GABRA3: variants seen among roughly 807,000 people sequenced by gnomAD.
GABRA3 encodes gamma-aminobutyric acid type A receptor subunit alpha3.
In GABRA3, 10 loss-of-function variants were observed where a neutral mutation model predicts 30.1. The ratio of observed to expected loss-of-function variants is 0.33; its 90% CI spans 0.20 to 0.56. The LOEUF is 0.56. GABRA3 is among the 20% of genes least tolerant of loss of function. The pLI, the probability that GABRA3 is intolerant of heterozygous loss-of-function variation, is 0.89. For missense variants in GABRA3, 233 were observed against 392.0 expected, an observed-to-expected ratio of 0.59 and a Z score of 3.42; for synonymous variants, 151 against 146.8, an observed-to-expected ratio of 1.03 and a Z score of -0.21.
chrX:152,404,112 A>C (rs1035415513), intron 1 of GABRA3, among the ~76,000 whole-genome samples: 8 of 111,617 alleles, frequency 7.2e-5, no homozygotes, highest in African/African-American at 2.6e-4. Context: ...GGGCTACACA[A>C]AGAGTAAGGA....
At chrX:152,258,321 G>C (rs995413240) in intron 4 of GABRA3, among the ~76,000 whole-genome samples, 3 of 111,771 alleles carry the variant, frequency 2.7e-5, no homozygotes, top group African/African-American at 9.7e-5. Flanking sequence ...TAGATATTAT[G>C]AAAGAGATAT....
chrX:152,339,041 AT>A (rs904114214), intron 3 of GABRA3, among the ~76,000 whole-genome samples: 235 of 106,655 alleles, frequency 2.2e-3, no homozygotes, highest in African/African-American at 7.4e-3. Flanking sequence ...ACATTTAAGG[AT>A]TTTTTTTTTC....
intron 9 of GABRA3, among the ~76,000 whole-genome samples, chrX:152,189,441 T>A (rs1715196908): frequency 8.9e-6 from 1 of 111,788 alleles, no homozygotes; most frequent in Admixed American, 9.5e-5. Flanking sequence ...GTCCAAGCCT[T>A]TGAGTGACTT....
chrX:152,225,188 T>C (rs761525509), intron 5 of GABRA3, among the ~76,000 whole-genome samples: 3 of 110,428 alleles, frequency 2.7e-5, no homozygotes, highest in South Asian at 3.9e-4. Flanking sequence ...TGATTGCAGT[T>C]TAATTATTTC....
At chrX:152,365,660 G>GT (rs1928638786) in intron 1 of GABRA3, among the ~76,000 whole-genome samples, 1 of 110,710 alleles carries the variant, frequency 9.0e-6, no homozygotes, top group African/African-American at 3.3e-5. Flanking sequence ...TATATAACTG[G>GT]TTTTTTTTCC....
In GABRA3 at chrX:152,274,407, T is replaced by A. The variant is rs765049385; in HGVS notation, c.330+10261A>T. On this transcript the variant is annotated intron_variant, in intron 4 of 9. Coordinates refer to ENST00000370314, the MANE Select transcript of GABRA3 (RefSeq NM_000808.4). ...CCACCCCACCCCCGACAAAAAAAAA[T>A]GACCACGTGCTAAGACATAGGACAA... 1.9e-3 allele frequency among the ~76,000 whole-genome samples: 200 copies of A among 107,225 alleles called. 3 individuals are homozygous for A. Among genetic ancestry groups the A allele is most frequent in the African/African-American group, 6.3e-3 (182 of 28,774 alleles). 93.1% of individuals were successfully genotyped at this position (107,225 alleles called of 115,157 possible).
chrX:152,379,931 G>A (rs749192406), intron 1 of GABRA3, among the ~76,000 whole-genome samples: 3 of 110,313 alleles, frequency 2.7e-5, no homozygotes, highest in Non-Finnish European at 5.7e-5. Context: ...TCTGCCTCCC[G>A]GGTTCAAGCG....
chrX:152,224,221 T>C (rs1028810914), intron 6 of GABRA3, among the ~76,000 whole-genome samples: 3 of 112,245 alleles, frequency 2.7e-5, no homozygotes, highest in African/African-American at 6.5e-5. Flanking sequence ...TTCTAATTCA[T>C]TTGAAAATGG....
At chrX:152,308,343 G>T (rs1939750532) in intron 3 of GABRA3, among the ~76,000 whole-genome samples, 1 of 112,567 alleles carries the variant, frequency 8.9e-6, no homozygotes, top group Non-Finnish European at 1.9e-5. Context: ...GCATGCATAC[G>T]CACAAACCCT....
intron 1 of GABRA3, among the ~76,000 whole-genome samples, chrX:152,420,089 T>A (rs1306096808): frequency 8.9e-6 from 1 of 111,998 alleles, no homozygotes; most frequent in Non-Finnish European, 1.9e-5. Context: ...AATGATTTTT[T>A]AAAAAGTCTT....
chrX:152,320,282 A>G (rs1939942023), intron 3 of GABRA3, among the ~76,000 whole-genome samples: 1 of 112,107 alleles, frequency 8.9e-6, no homozygotes, highest in African/African-American at 3.2e-5. Context: ...GCATGTTTAT[A>G]GCAGCACAAC....
chrX:152,277,802 A>G (rs948807160), intron 4 of GABRA3, among the ~76,000 whole-genome samples: 1 of 112,074 alleles, frequency 8.9e-6, no homozygotes, highest in Admixed American at 9.5e-5. Context: ...GGCAGAGATG[A>G]CACTTAGTTC....
intron 5 of GABRA3, among the ~76,000 whole-genome samples, chrX:152,237,900 A>G (rs1198211842): frequency 3.4e-4 from 37 of 110,361 alleles, no homozygotes; most frequent in African/African-American, 1.1e-3. Context: ...GGGCTGAGAC[A>G]ATGGGGTTTT....
chrX:152,264,919 T>C (rs758770124), intron 4 of GABRA3, among the ~76,000 whole-genome samples: 3 of 111,604 alleles, frequency 2.7e-5, no homozygotes, highest in African/African-American at 9.8e-5. Context: ...TATATAATGA[T>C]AAAGGGTTCA....
chrX:152,364,659 G>A, intron 1 of GABRA3, 63 bp from the exon 2 acceptor site: 2 of 835,007 alleles, frequency 2.4e-6, no homozygotes, highest in Non-Finnish European at 3.4e-6. Context: ...AGGGAGAGAG[G>A]AGAAAGAGGT....
intron 3 of GABRA3, among the ~76,000 whole-genome samples, chrX:152,322,521 T>A (rs1396352201): frequency 9.0e-6 from 1 of 111,000 alleles, no homozygotes; most frequent in Non-Finnish European, 1.9e-5. Context: ...TAATTTAAAA[T>A]AAATAAAGTC....
At chrX:152,252,875 CA>C (rs1255332754) in intron 5 of GABRA3, among the ~76,000 whole-genome samples, 1 of 111,385 alleles carries the variant, frequency 9.0e-6, no homozygotes, top group East Asian at 2.8e-4. Flanking sequence ...GGCAACATGG[CA>C]AATTATGTAT....
chrX:152,297,503 C>T (rs2124450283), intron 3 of GABRA3, among the ~76,000 whole-genome samples: 1 of 111,814 alleles, frequency 8.9e-6, no homozygotes, highest in East Asian at 2.8e-4. Flanking sequence ...TCCAAACTCT[C>T]CTTTTGCTTT....
intron 1 of GABRA3, among the ~76,000 whole-genome samples, chrX:152,441,320 A>G (rs1257106798): frequency 9.0e-6 from 1 of 111,720 alleles, no homozygotes; most frequent in Admixed American, 9.5e-5. Context: ...AAATTTACCA[A>G]CCTTCATCAA....
Sources: gnomAD v4.1 joint callset for allele counts (sites outside exome capture counted in the v4.1 genomes callset) on GRCh38, gnomAD v4.1.1 for gene constraint, MANE v1.5 for transcripts, NCBI Gene and HGNC (gene_info 2026-07-23, HGNC 2026-07-21) for gene names.